SHTN1: variants seen among roughly 807,000 people sequenced by gnomAD.
SHTN1 encodes shootin-1.
In SHTN1, 42 loss-of-function variants were observed where a neutral mutation model predicts 83.1. The ratio of observed to expected loss-of-function variants is 0.51; its 90% CI spans 0.39 to 0.65. The LOEUF is 0.65. SHTN1 is among the 30% of genes least tolerant of loss of function. SHTN1 has a pLI of 0.00. For missense variants in SHTN1, 622 were observed against 737.8 expected, an observed-to-expected ratio of 0.84 and a Z score of 1.82; for synonymous variants, 224 against 247.7, an observed-to-expected ratio of 0.90 and a Z score of 0.90.
chr10:116,949,907 T>C (rs1052418413), intron 6 of SHTN1, among the ~76,000 whole-genome samples: 1 of 152,052 alleles, frequency 6.6e-6, no homozygotes, highest in Non-Finnish European at 1.5e-5. Flanking sequence ...TATATCAAGG[T>C]AGAAGATAAA....
chr10:116,999,405 T>C (rs530043359), intron 1 of SHTN1, among the ~76,000 whole-genome samples: 47 of 152,328 alleles, frequency 3.1e-4, no homozygotes, highest in Non-Finnish European at 6.5e-4. Flanking sequence ...TGTAGTGATT[T>C]CATCCTCAAG....
chr10:117,087,392 T>A (rs1455201810), intron 1 of SHTN1, among the ~76,000 whole-genome samples: 1 of 152,166 alleles, frequency 6.6e-6, no homozygotes, highest in East Asian at 1.9e-4. Flanking sequence ...ACCATGGTGT[T>A]GGATCAGAGT....
intron 4 of SHTN1, among the ~76,000 whole-genome samples, chr10:116,955,791 G>T (rs118121278): frequency 4.6e-4 from 70 of 152,128 alleles, no homozygotes; most frequent in Non-Finnish European, 8.5e-4. Context: ...ATTCTTCCTG[G>T]AAGACTGGCA....
chr10:117,060,371 A>G (rs546720834), intron 1 of SHTN1, among the ~76,000 whole-genome samples: 91 of 152,318 alleles, frequency 6.0e-4, no homozygotes, highest in African/African-American at 1.9e-3. Flanking sequence ...AATAGGGTAA[A>G]TGTTGATAGA....
chr10:116,991,896 C>G (rs1234483444), intron 1 of SHTN1, among the ~76,000 whole-genome samples: 6 of 152,172 alleles, frequency 3.9e-5, no homozygotes, highest in Admixed American at 3.9e-4. Flanking sequence ...AATCCCAGCA[C>G]TTTGGGAGGC....
At chr10:117,023,767 A>G (rs1008113491) in intron 2 of SHTN1, 1 of 152,664 alleles carries the variant, frequency 6.6e-6, no homozygotes, top group Non-Finnish European at 1.5e-5. Flanking sequence ...TAAACAGACT[A>G]TAAATACAAT....
At position 117,012,306 on chromosome 10, in the gene SHTN1, C is replaced by G. The variant is rs541472018; in HGVS notation, c.-122-32998G>C. 1.7e-4 allele frequency among the ~76,000 whole-genome samples: 26 copies of G among 151,984 alleles called. No homozygotes were observed. The South Asian group carries it at 2.5e-3, about 15-fold the overall frequency. ...CAAAACAAAACAAAAACTAGAATAG[C>G]CAAAACAATTCTGAATAAGAACAAA... On this transcript the variant is annotated intron_variant, in intron 2 of 17. Coordinates refer to the SHTN1 transcript ENST00000392901.
chr10:117,034,306 A>G (rs559599854), intron 2 of SHTN1, among the ~76,000 whole-genome samples: 1 of 152,330 alleles, frequency 6.6e-6, no homozygotes, highest in East Asian at 1.9e-4. Context: ...ATCAGTTCTA[A>G]TAGTTTTTTG....
intron 1 of SHTN1, among the ~76,000 whole-genome samples, chr10:117,073,587 T>G (rs1589920597): frequency 6.6e-6 from 1 of 152,150 alleles, no homozygotes; most frequent in East Asian, 1.9e-4. Context: ...ACTTTTGCAT[T>G]TCATTGATTA....
chr10:116,902,272 G>A (rs1230885539), intron 15 of SHTN1, among the ~76,000 whole-genome samples: 1 of 152,090 alleles, frequency 6.6e-6, no homozygotes, highest in Non-Finnish European at 1.5e-5. Context: ...CTCTCATAGA[G>A]TATGGCTTTC....
At chr10:116,973,235 A>T (rs1489307829) in intron 2 of SHTN1, among the ~76,000 whole-genome samples, 1 of 152,170 alleles carries the variant, frequency 6.6e-6, no homozygotes, top group East Asian at 1.9e-4. Flanking sequence ...ATGCAAGAAA[A>T]ACCTCAACAT....
intron 2 of SHTN1, among the ~76,000 whole-genome samples, chr10:117,046,627 T>C (rs1400146845): frequency 6.6e-6 from 1 of 152,142 alleles, no homozygotes; most frequent in African/African-American, 2.4e-5. Context: ...CAAATATCCA[T>C]CAATTGGTAA....
chr10:117,063,380 G>A (rs1210941440), intron 1 of SHTN1, among the ~76,000 whole-genome samples: 2 of 152,124 alleles, frequency 1.3e-5, no homozygotes, highest in African/African-American at 4.8e-5. Context: ...TTCACCACGT[G>A]CTCCAAGAGT....
intron 1 of SHTN1, among the ~76,000 whole-genome samples, chr10:117,078,921 C>T (rs926011729): frequency 1.3e-5 from 2 of 152,120 alleles, no homozygotes; most frequent in East Asian, 1.9e-4. Flanking sequence ...CATAATTATC[C>T]TTACAATGTC....
Position 117,023,659 on chromosome 10 carries a change from T to G in SHTN1, c.-123+24786A>C, listed in dbSNP as rs530205295. 8 of 152,764 alleles carry G rather than the reference T, an allele frequency of 5.2e-5. No individual in the cohort carries two copies. In the South Asian group the frequency reaches 1.7e-3, roughly 32 times the overall value. 9.5% of individuals were successfully genotyped at this position (152,764 alleles called of 1,614,324 possible). A position where few individuals can be genotyped will look rare whatever the true frequency, so the allele number is the denominator to read the frequency against. Reference sequence around the variant, plus strand: ...ATGCCACTGTAAAAAGATTGAGCGTTTTGATCACCACATTCTGGCCACAAA... The same window carrying G: ...ATGCCACTGTAAAAAGATTGAGCGTGTTGATCACCACATTCTGGCCACAAA... On this transcript the variant is annotated intron_variant, in intron 2 of 17. Transcript: ENST00000392901.
chr10:117,021,180 C>G (rs1251577387), intron 2 of SHTN1, among the ~76,000 whole-genome samples: 1 of 152,194 alleles, frequency 6.6e-6, no homozygotes, highest in Admixed American at 6.5e-5. Flanking sequence ...CAAGACCAGC[C>G]TGGCCAACAT....
intron 2 of SHTN1, among the ~76,000 whole-genome samples, chr10:117,028,510 A>G (rs1238631263): frequency 1.3e-5 from 2 of 152,166 alleles, no homozygotes; most frequent in Non-Finnish European, 2.9e-5. Flanking sequence ...CTCCCATCAC[A>G]GGCACAGAGG....
intron 2 of SHTN1, among the ~76,000 whole-genome samples, chr10:117,040,571 CTAA>C (rs1472759704): frequency 6.6e-6 from 1 of 152,168 alleles, no homozygotes. Flanking sequence ...ATGTAAGATG[CTAA>C]TAATAGGGAA....
chr10:116,949,817 G>A (rs559085050), intron 6 of SHTN1, among the ~76,000 whole-genome samples: 34 of 152,002 alleles, frequency 2.2e-4, no homozygotes, highest in Admixed American at 1.2e-3. Flanking sequence ...AATTTCTGAA[G>A]TAACTTTTGA....
Sources: allele counts gnomAD v4.1 joint callset (sites outside exome capture counted in the v4.1 genomes callset), GRCh38; gene constraint gnomAD v4.1.1; transcripts MANE v1.5; gene names NCBI Gene and HGNC (gene_info 2026-07-23, HGNC 2026-07-21).